ZNF891: variants seen among roughly 807,000 people sequenced by gnomAD.
ZNF891 encodes zinc finger protein 891.
For missense variants in ZNF891, 589 were observed against 632.7 expected (o/e 0.93, Z 0.74); for synonymous variants, 199 against 209.0 (o/e 0.95, Z 0.41).
chr12:133,126,913 T>C (rs574875036), intron 1 of ZNF891, among the ~76,000 whole-genome samples: 1 of 150,936 alleles, frequency 6.6e-6, no homozygotes, highest in Non-Finnish European at 1.5e-5. Flanking sequence ...TACCCCAGAT[T>C]ACTCAGAGTT....
Position 133,105,946 on chromosome 12 carries a change from T to G in ZNF891, c.*14338A>C, listed in dbSNP as rs1955575244. 6.2e-7 allele frequency: 1 copy of G among 1,614,148 alleles called. No homozygotes were observed. The highest frequency in any genetic ancestry group is 1.1e-5 in the South Asian group (1 of 91,076). On this transcript the variant is annotated 3_prime_UTR_variant, in exon 2 of 2. Transcript: ENST00000537226. ...AACCCCATGAGTGTAAGGACTGTAA[T>G]AAAACATTCAGTTACCTTTCATTTC...
rs1318939427 is a variant in ZNF891 at position 133,121,339 on chromosome 12, A to G, written c.580T>C (p.Leu194=). Residue 194 remains leucine, a synonymous_variant, in exon 2 of 2, where the codon TTA becomes CTA. Transcript: ENST00000537226. The part of the protein sequence containing the change: ...PQELFRDYHE[L]EENSKLGSKL... ...GATCCAAGTTTAGAGTTTTCCTCTA[A>G]TTCATGATAGTCACGGAATAGCTCC... 6.5e-7 allele frequency: 1 copy of G among 1,535,952 alleles called. No homozygotes were observed. The highest frequency in any genetic ancestry group is 8.7e-7 in the Non-Finnish European group (1 of 1,146,876).
At position 133,118,954 on chromosome 12, in the gene ZNF891, C is replaced by G. The variant is rs1211133081; in HGVS notation, c.*1330G>C. The G allele has an allele frequency of 6.6e-6, 1 of 152,024 alleles. No homozygotes were observed. The highest frequency in any genetic ancestry group is 1.5e-5 in the Non-Finnish European group (1 of 67,994). The allele number at this position is 152,024 out of a possible 1,614,324, so 9.4% of individuals were successfully genotyped here. A position where few individuals can be genotyped will look rare whatever the true frequency, so the allele number is the denominator to read the frequency against. ...TCAGTAAGAGCCAGGCATGGTAACTCATGCCTGGAATCCTAGCACTTTGGG... is the reference window on the plus strand; with the variant it reads ...TCAGTAAGAGCCAGGCATGGTAACTGATGCCTGGAATCCTAGCACTTTGGG... On this transcript the variant is annotated 3_prime_UTR_variant, in exon 2 of 2. Coordinates refer to ENST00000537226, the MANE Select transcript of ZNF891 (RefSeq NM_001277291.2).
Position 133,121,282 on chromosome 12 carries a change from T to C in ZNF891, c.637A>G (p.Ser213Gly). The C allele has an allele frequency of 6.5e-7, 1 of 1,535,660 alleles. No homozygotes were observed. The highest frequency in any genetic ancestry group is 8.7e-7 in the Non-Finnish European group (1 of 1,146,770). ...KLIFSQSIFTSKHCQKCYSEI... is the reference protein window; with the variant it reads ...KLIFSQSIFTGKHCQKCYSEI... ...GAGTAACATTTTTGGCAATGTTTAC[T>C]GGTGAAAATGCTCTGTGAAAAAATA... Residue 213 changes from serine (S) to glycine (G), a missense_variant, in exon 2 of 2, where the codon AGT becomes GGT. By Grantham distance (56) the Ser-to-Gly change is moderately conservative. Coordinates refer to ENST00000537226, the MANE Select transcript of ZNF891 (RefSeq NM_001277291.2).
At position 133,111,236 on chromosome 12, in the gene ZNF891, TG is replaced by T. The variant is rs1362056810; in HGVS notation, c.*9047del. Reference sequence around the variant, plus strand: ...AAACAAAACAAAAAAAAATAAATTATGTAACCCAGCACTTTGGGAGGCCAAG... The same window carrying T: ...AAACAAAACAAAAAAAAATAAATTATTAACCCAGCACTTTGGGAGGCCAAG... On this transcript the variant is annotated 3_prime_UTR_variant, in exon 2 of 2. Transcript: ENST00000537226. The T allele has an allele frequency of 6.6e-6, 1 of 152,066 alleles. No individual in the cohort carries two copies. Among genetic ancestry groups the T allele is most frequent in the African/African-American group, 2.4e-5 (1 of 41,410 alleles). 9.4% of individuals were successfully genotyped at this position (152,066 alleles called of 1,614,324 possible). A position where few individuals can be genotyped will look rare whatever the true frequency, so the allele number is the denominator to read the frequency against.
In ZNF891 at chr12:133,106,485, A is replaced by G. The variant is rs1245907289; in HGVS notation, c.*13799T>C. The G allele has an allele frequency of 6.2e-7, 1 of 1,614,136 alleles. No homozygotes were observed. Among genetic ancestry groups the G allele is most frequent in the Admixed American group, 1.7e-5 (1 of 60,026 alleles). ...AGCCGGAGCTTTTCCCTCATTCTAC[A>G]TCAGAGAACTCATACTGGAGAGAAA... On this transcript the variant is annotated 3_prime_UTR_variant, in exon 2 of 2. Coordinates refer to ENST00000537226, the MANE Select transcript of ZNF891 (RefSeq NM_001277291.2).
In ZNF891 at chr12:133,123,046, AT is replaced by A. The variant is rs542406779; in HGVS notation, c.-106-1023del. ...TCACAAAACAATTTATTATACTAATATTTTTAAAGTTCTCACTTTTGGAAGA... is the reference window on the plus strand; with the variant it reads ...TCACAAAACAATTTATTATACTAATATTTTAAAGTTCTCACTTTTGGAAGA... On this transcript the variant is annotated intron_variant, in intron 1 of 1. Transcript: ENST00000537226. Among the ~76,000 whole-genome samples, 49 of 152,348 alleles carry A rather than the reference AT, an allele frequency of 3.2e-4. No homozygotes were observed. In the Middle Eastern group the frequency reaches 0.01, roughly 32 times the overall value.
chr12:133,106,384 T>G lies in ZNF891; in HGVS notation c.*13900A>C. ...AATGTGGTAAAGTTTTCACTTGGCA[T>G]GCATCCCTTATTCAACATACGAAGA... is the stretch of plus-strand genomic sequence containing the variant. On this transcript the variant is annotated 3_prime_UTR_variant, in exon 2 of 2. Coordinates refer to ENST00000537226, the MANE Select transcript of ZNF891 (RefSeq NM_001277291.2). 6.2e-7 allele frequency: 1 copy of G among 1,614,188 alleles called. No homozygotes were observed. The highest frequency in any genetic ancestry group is 1.3e-5 in the African/African-American group (1 of 75,058).
At position 133,109,664 on chromosome 12, in the gene ZNF891, AAT is replaced by A. The variant is rs1465857465; in HGVS notation, c.*10618_*10619del. 1 of 152,202 alleles carries A rather than the reference AAT, an allele frequency of 6.6e-6. No individual in the cohort carries two copies. Among genetic ancestry groups the A allele is most frequent in the Admixed American group, 6.5e-5 (1 of 15,282 alleles). The allele number at this position is 152,202 out of a possible 1,614,324, so 9.4% of individuals were successfully genotyped here. A position where few individuals can be genotyped will look rare whatever the true frequency, so the allele number is the denominator to read the frequency against. On this transcript the variant is annotated 3_prime_UTR_variant, in exon 2 of 2. Transcript: ENST00000537226. ...AGAAATAAAGATGTTTCAGAATAAA[AAT>A]AGAGGAAATTTACGGTAGCATTCTT...
chr12:133,124,821 T>C (rs147922519), intron 1 of ZNF891, among the ~76,000 whole-genome samples: 145 of 150,088 alleles, frequency 9.7e-4, no homozygotes, highest in Non-Finnish European at 1.8e-3. Flanking sequence ...GTGTTCTATA[T>C]GGGTGTGTGT....
At position 133,117,837 on chromosome 12, in the gene ZNF891, T is replaced by C. The variant is rs1426771743; in HGVS notation, c.*2447A>G. The C allele has an allele frequency of 1.3e-5, 2 of 152,252 alleles. No homozygotes were observed. Among genetic ancestry groups the C allele is most frequent in the Non-Finnish European group, 2.9e-5 (2 of 68,048 alleles). 9.4% of individuals were successfully genotyped at this position (152,252 alleles called of 1,614,324 possible). On this transcript the variant is annotated 3_prime_UTR_variant, in exon 2 of 2. Transcript: ENST00000537226. ...ATCTTCATTATGTACCACTATGTTATTTCCAACTACAATCACAAATGATCT... is the reference window on the plus strand; with the variant it reads ...ATCTTCATTATGTACCACTATGTTACTTCCAACTACAATCACAAATGATCT...
At position 133,105,295 on chromosome 12, in the gene ZNF891, AC is replaced by A. The variant is rs1955550603; in HGVS notation, c.*14988del. Among the ~76,000 whole-genome samples, 1 of 152,170 alleles carries A rather than the reference AC, an allele frequency of 6.6e-6. No homozygotes were observed. Among genetic ancestry groups the A allele is most frequent in the Non-Finnish European group, 1.5e-5 (1 of 68,016 alleles). On this transcript the variant is annotated 3_prime_UTR_variant, in exon 2 of 2. Transcript: ENST00000537226. ...ATTTTCCCTGCTCTTTCAATTACTTACGTTTACACTTTCTCTTTATTTACCT... is the reference window on the plus strand; with the variant it reads ...ATTTTCCCTGCTCTTTCAATTACTTAGTTTACACTTTCTCTTTATTTACCT...
rs1288400939 is a variant in ZNF891, at chr12:133,120,746, A to C, written c.1173T>G (p.Leu391=). ...CGKAFSQKTS[L]KAHMRTHTGE... The stretch of plus-strand genomic sequence containing the variant: ...CAGTGTGAGTTCTCATGTGAGCCTT[A>C]AGGGATGTTTTTTGACTGAAAGCTT... The change falls in exon 2 of 2, where the codon CTT becomes CTG. Residue 391 remains leucine, a synonymous_variant. Transcript: ENST00000537226. 1 of 1,567,608 alleles carries C rather than the reference A, an allele frequency of 6.4e-7. No individual in the cohort carries two copies. The highest frequency in any genetic ancestry group is 8.6e-7 in the Non-Finnish European group (1 of 1,157,120).
chr12:133,122,054 A>G, intron 1 of ZNF891, 30 bp from the exon 2 acceptor site: 1 of 1,409,616 alleles, frequency 7.1e-7, no homozygotes, highest in Non-Finnish European at 9.2e-7. Flanking sequence ...TTCAGGTAAA[A>G]GAAGAAAGCT....
In ZNF891 at chr12:133,116,065, T is replaced by C. The variant is rs1955713544; in HGVS notation, c.*4219A>G. 6.6e-6 allele frequency: 1 copy of C among 152,198 alleles called. No homozygotes were observed. Among genetic ancestry groups the C allele is most frequent in the African/African-American group, 2.4e-5 (1 of 41,450 alleles). 9.4% of individuals were successfully genotyped at this position (152,198 alleles called of 1,614,324 possible). On this transcript the variant is annotated 3_prime_UTR_variant, in exon 2 of 2. Transcript: ENST00000537226. ...AACCAAGCAAAGTACAATCCCTTGC[T>C]GAGTACTCCTTAAGATGATCTCACC...
chr12:133,117,677 T>C lies in ZNF891; in HGVS notation c.*2607A>G, dbSNP rs1361895379. 1 of 152,244 alleles carries C rather than the reference T, an allele frequency of 6.6e-6. No individual in the cohort carries two copies. The highest frequency in any genetic ancestry group is 1.5e-5 in the Non-Finnish European group (1 of 68,046). The allele number at this position is 152,244 out of a possible 1,614,324, so 9.4% of individuals were successfully genotyped here. On this transcript the variant is annotated 3_prime_UTR_variant, in exon 2 of 2. Transcript: ENST00000537226. ...AATTCAAACATGTTCTAGTTTTTCATATTTTAAACATATTATCTCTTTACT... is the reference window on the plus strand; with the variant it reads ...AATTCAAACATGTTCTAGTTTTTCACATTTTAAACATATTATCTCTTTACT...
intron 1 of ZNF891, among the ~76,000 whole-genome samples, chr12:133,124,401 T>C (rs550256747): frequency 6.6e-6 from 1 of 152,222 alleles, no homozygotes; most frequent in South Asian, 2.1e-4. Context: ...CAATGTGAGA[T>C]ATAATGAATG....
Position 133,120,462 on chromosome 12 carries a change from T to C in ZNF891, c.1457A>G (p.Lys486Arg), listed in dbSNP as rs562347872. The C allele has an allele frequency of 2.1e-4, 334 of 1,604,838 alleles. No individual in the cohort carries two copies. Among genetic ancestry groups the C allele is most frequent in the Non-Finnish European group, 2.8e-4 (326 of 1,176,062 alleles). Reference sequence around the variant, plus strand: ...CCTACATTCCTTACATTCATAGGGTTTCTCTCCAGTGTGAGTTCTTATATG... The same window carrying C: ...CCTACATTCCTTACATTCATAGGGTCTCTCTCCAGTGTGAGTTCTTATATG... Reference protein sequence around the residue: ...RMHIRTHTGEKPYECKECRKA... With the variant: ...RMHIRTHTGERPYECKECRKA... The change falls in exon 2 of 2, where the codon AAA (lysine) becomes AGA (arginine). Residue 486 changes from lysine (K) to arginine (R), a missense_variant. Coordinates refer to ENST00000537226, the MANE Select transcript of ZNF891 (RefSeq NM_001277291.2).
rs10593642 is a variant in ZNF891 at position 133,117,946 on chromosome 12, C to CT, written c.*2337dup. ...ACTAAAAACATTTACCTTCACCTTCCTTTTTTTTTTTTTTTTTTTGAGATG... is the reference window on the plus strand; with the variant it reads ...ACTAAAAACATTTACCTTCACCTTCCTTTTTTTTTTTTTTTTTTTTGAGATG... On this transcript the variant is annotated 3_prime_UTR_variant, in exon 2 of 2. Transcript: ENST00000537226. 3.5e-3 allele frequency: 455 copies of CT among 128,634 alleles called. 5 individuals carry two copies. The highest frequency in any genetic ancestry group is 3.9e-3 in the Middle Eastern group (1 of 256). 8.0% of individuals were successfully genotyped at this position (128,634 alleles called of 1,614,324 possible).
Sources: allele counts gnomAD v4.1 joint callset (sites outside exome capture counted in the v4.1 genomes callset), GRCh38; gene constraint gnomAD v4.1.1; transcripts MANE v1.5; gene names NCBI Gene and HGNC (gene_info 2026-07-23, HGNC 2026-07-21).